Variants in TEX15 observed in about 807,000 individuals in gnomAD.
TEX15 encodes testis-expressed protein 15.
In TEX15, 171 loss-of-function variants were observed where a neutral mutation model predicts 237.3. The ratio of observed to expected loss-of-function variants is 0.72; its 90% confidence interval spans 0.64 to 0.82. The LOEUF (loss-of-function observed/expected upper bound fraction) is 0.82. Ranked by LOEUF, TEX15 falls within the 40% of genes least tolerant of loss-of-function variation. TEX15 has a pLI of 0.00. For synonymous variants in TEX15, 1,338 were observed against 1,269.8 expected, an observed-to-expected ratio of 1.05 and a Z score of -1.14; for missense variants, 3,750 against 3,646.5, an observed-to-expected ratio of 1.03 and a Z score of -0.73.
intron 4 of TEX15, among the ~76,000 whole-genome samples, chr8:30,872,186 T>C (rs909811734): frequency 6.6e-6 from 1 of 152,224 alleles, no homozygotes; most frequent in African/African-American, 2.4e-5. Context: ...AACTATCAAT[T>C]TCTACCCCCA....
Position 30,843,369 on chromosome 8 carries a change from A to C in TEX15, c.6798T>G (p.Gly2266=), listed in dbSNP as rs1807510258. The C allele has an allele frequency of 6.2e-7, 1 of 1,612,642 alleles. No individual in the cohort carries two copies. Among genetic ancestry groups the C allele is most frequent in the Non-Finnish European group, 8.5e-7 (1 of 1,179,660 alleles). ...CAGCATCAAAAAAGATATGTTCCAG[A>C]CCATAAAGAGATATTTTAACACGTA... ...EAVRVKISLY[G]LEHIFFDAAK... The change falls in exon 8 of 11, where the codon GGT becomes GGG. Residue 2266 remains glycine, a synonymous_variant. Coordinates refer to ENST00000643185, the MANE Select transcript of TEX15 (RefSeq NM_001350162.2).
intron 3 of TEX15, among the ~76,000 whole-genome samples, chr8:30,878,514 G>C (rs780457114): frequency 2.0e-5 from 3 of 152,024 alleles, no homozygotes; most frequent in Non-Finnish European, 2.9e-5. Flanking sequence ...CTCACGAGTA[G>C]CTAGGATTAC....
chr8:30,848,262 T>G lies in TEX15; in HGVS notation c.1905A>C (p.Glu635Asp), dbSNP rs766526963. The change falls in exon 8 of 11, where the codon GAA becomes GAC. Residue 635 changes from glutamate (E) to aspartate (D), a missense_variant. Transcript: ENST00000643185. Reference sequence around the variant, plus strand: ...CAATTTCTTTCCATGAAGTTTGCTTTTCTTCATGTTTGGAACTGTCTTCCA... The same window carrying G: ...CAATTTCTTTCCATGAAGTTTGCTTGTCTTCATGTTTGGAACTGTCTTCCA... ...ADLEDSSKHE[E>D]KQTSWKEIDN... 1.2e-6 allele frequency: 2 copies of G among 1,611,970 alleles called. No individual in the cohort carries two copies. The highest frequency in any genetic ancestry group is 2.2e-5 in the South Asian group (2 of 90,362).
chr8:30,867,643 T>C (rs1808202501), intron 4 of TEX15, 141 bp from the exon 5 acceptor site: 2 of 594,334 alleles, frequency 3.4e-6, no homozygotes, highest in African/African-American at 1.9e-5. Context: ...GATGATAAAT[T>C]TGGTTGAAAA....
rs1398637126 is a variant in TEX15, at chr8:30,845,886, A to G, written c.4281T>C (p.Cys1427=). The G allele has an allele frequency of 6.2e-7, 1 of 1,613,222 alleles. No individual in the cohort carries two copies. The highest frequency in any genetic ancestry group is 8.5e-7 in the Non-Finnish European group (1 of 1,179,634). The change falls in exon 8 of 11, where the codon TGT becomes TGC. Residue 1427 remains cysteine (C), a synonymous_variant. Coordinates refer to ENST00000643185, the MANE Select transcript of TEX15 (RefSeq NM_001350162.2). ...AIICNNFWES[C]DLQGYSSVSQ... is the part of the protein sequence containing the mutation. Reference sequence around the variant, plus strand: ...ACACAGAACTATAACCTTGAAGGTCACAACTTTCCCAGAAATTATTGCATA... The same window carrying G: ...ACACAGAACTATAACCTTGAAGGTCGCAACTTTCCCAGAAATTATTGCATA...
chr8:30,890,452 A>G (rs1358641605), intron 2 of TEX15: 1 of 152,132 alleles, frequency 6.6e-6, no homozygotes, highest in Non-Finnish European at 1.5e-5. Context: ...CAGAAATGCA[A>G]ATATTTGCCA....
In TEX15 at chr8:30,843,077, G is replaced by T; in HGVS notation, c.7090C>A (p.Leu2364Ile). 2 of 1,613,164 alleles carry T rather than the reference G, an allele frequency of 1.2e-6. No homozygotes were observed. Among genetic ancestry groups the T allele is most frequent in the South Asian group, 2.2e-5 (2 of 90,840 alleles). The change falls in exon 8 of 11, where the codon CTT (leucine) becomes ATT (isoleucine). Residue 2364 changes from leucine to isoleucine, a missense_variant. Coordinates refer to ENST00000643185, the MANE Select transcript of TEX15 (RefSeq NM_001350162.2). Reference sequence around the variant, plus strand: ...ATACAACAAATATCTGGGTGTGCAAGCAAATTACTGTTAAATTTAGAATTT... The same window carrying T: ...ATACAACAAATATCTGGGTGTGCAATCAAATTACTGTTAAATTTAGAATTT... Reference protein sequence around the residue: ...IENSKFNSNLLAHPDICCISE... With the variant: ...IENSKFNSNLIAHPDICCISE...
At chr8:30,905,851 C>A (rs1258470035) in intron 1 of TEX15, among the ~76,000 whole-genome samples, 2 of 151,444 alleles carry the variant, frequency 1.3e-5, no homozygotes, top group African/African-American at 4.9e-5. Context: ...TTGCAATGAG[C>A]CTTGTGATCA....
intron 8 of TEX15, among the ~76,000 whole-genome samples, chr8:30,840,923 A>G (rs1369344877): frequency 6.6e-6 from 1 of 152,120 alleles, no homozygotes; most frequent in Non-Finnish European, 1.5e-5. Context: ...AATTATATAT[A>G]TAAATTTTTT....
In TEX15 at chr8:30,842,843, T is replaced by C. The variant is rs1221131035; in HGVS notation, c.7324A>G (p.Ile2442Val). ...ATGACGATTTCAATATACATTTCAA[T>C]AGCTTCAGGCTTTAAAATGATAGCC... ...HEAIILKPEA[I>V]EMYIEIVMVS... The change falls in exon 8 of 11, where the codon ATT becomes GTT. Residue 2442 changes from isoleucine to valine, a missense_variant. Physicochemically the swap from Ile to Val is conservative, Grantham distance 29 (BLOSUM62 3). Coordinates refer to ENST00000643185, the MANE Select transcript of TEX15 (RefSeq NM_001350162.2). 1.9e-6 allele frequency: 3 copies of C among 1,612,642 alleles called. No homozygotes were observed. The highest frequency in any genetic ancestry group is 3.3e-5 in the Admixed American group (2 of 59,860).
At chr8:30,878,211 T>C (rs957803736) in intron 3 of TEX15, among the ~76,000 whole-genome samples, 2 of 151,670 alleles carry the variant, frequency 1.3e-5, no homozygotes, top group African/African-American at 4.9e-5. Context: ...ATGTGCCAGT[T>C]TGTTTAACCA....
intron 3 of TEX15, among the ~76,000 whole-genome samples, chr8:30,883,262 A>G (rs1317456401): frequency 6.6e-6 from 1 of 152,078 alleles, no homozygotes; most frequent in Admixed American, 6.6e-5. Flanking sequence ...AGACGGTTTA[A>G]GTGTAGGCAG....
intron 7 of TEX15, among the ~76,000 whole-genome samples, chr8:30,858,369 T>C (rs1477006148): frequency 6.6e-6 from 1 of 151,826 alleles, no homozygotes; most frequent in East Asian, 1.9e-4. Flanking sequence ...CTGGGCGCAG[T>C]GGTGTGATCC....
intron 2 of TEX15, among the ~76,000 whole-genome samples, chr8:30,893,651 A>C (rs1204474936): frequency 6.6e-6 from 1 of 152,184 alleles, no homozygotes; most frequent in Non-Finnish European, 1.5e-5. Context: ...TTCTAGAATG[A>C]CTGCTACTTT....
intron 5 of TEX15, among the ~76,000 whole-genome samples, chr8:30,863,086 C>T (rs1443518596): frequency 3.9e-5 from 6 of 152,148 alleles, no homozygotes. Context: ...GAATAGCATA[C>T]AGGTTGAATA....
intron 7 of TEX15, among the ~76,000 whole-genome samples, chr8:30,853,908 T>A (rs570885919): frequency 1.1e-4 from 17 of 151,952 alleles, no homozygotes; most frequent in Admixed American, 5.9e-4. Flanking sequence ...AAAAAACCAA[T>A]GAATTAAAGA....
In TEX15 at chr8:30,842,630, T is replaced by C. The variant is rs758605460; in HGVS notation, c.7537A>G (p.Thr2513Ala). Reference sequence around the variant, plus strand: ...TCTTTCTTAAGTTCGGAAACAGCAGTCTCTATCACTTTCCAAAGGCAAACA... The same window carrying C: ...TCTTTCTTAAGTTCGGAAACAGCAGCCTCTATCACTTTCCAAAGGCAAACA... ...TDVCLWKVIE[T>A]AVSELKKDLD... Residue 2513 changes from threonine (T) to alanine (A), a missense_variant, in exon 8 of 11, where the codon ACT becomes GCT. Thr to Ala is a moderately conservative substitution (Grantham distance 58, BLOSUM62 0). Transcript: ENST00000643185. 6.2e-7 allele frequency: 1 copy of C among 1,611,792 alleles called. No homozygotes were observed. The highest frequency in any genetic ancestry group is 1.3e-5 in the African/African-American group (1 of 75,038).
In TEX15 at chr8:30,860,017, T is replaced by C. The variant is rs1446342604; in HGVS notation, c.581A>G (p.Asp194Gly). 2 of 1,496,942 alleles carry C rather than the reference T, an allele frequency of 1.3e-6. No individual in the cohort carries two copies. The allele number at this position is 1,496,942 out of a possible 1,614,324, so 92.7% of individuals were successfully genotyped here. A position where few individuals can be genotyped will look rare whatever the true frequency, so the allele number is the denominator to read the frequency against. ...GKVKKIQPSV[D>G]KNKVSLDPSP... Reference sequence around the variant, plus strand: ...AGGATCCAAAGAAACTTTATTTTTATCCACAGAAGGTTGGATTTTCTTCAC... The same window carrying C: ...AGGATCCAAAGAAACTTTATTTTTACCCACAGAAGGTTGGATTTTCTTCAC... The change falls in exon 6 of 11, where the codon GAT (aspartate) becomes GGT (glycine). Residue 194 changes from aspartate to glycine, a missense_variant. Transcript: ENST00000643185.
intron 4 of TEX15, among the ~76,000 whole-genome samples, chr8:30,867,712 C>T (rs1016694211): frequency 5.9e-5 from 9 of 152,044 alleles, no homozygotes; most frequent in Admixed American, 4.6e-4. Flanking sequence ...TATCATCATT[C>T]CTGGTCTAAA....
Sources: gnomAD v4.1 joint callset for allele counts (sites outside exome capture counted in the v4.1 genomes callset) on GRCh38, gnomAD v4.1.1 for gene constraint, MANE v1.5 for transcripts, NCBI Gene and HGNC (gene_info 2026-07-23, HGNC 2026-07-21) for gene names.